CDH18: variants seen among roughly 807,000 people sequenced by gnomAD.
CDH18 encodes the protein cadherin 18, also known as cadherin-18.
CDH18 carries 31 observed loss-of-function variants against 67.9 expected under a neutral mutation model. The ratio of observed to expected loss-of-function variants is 0.46; its 90% CI spans 0.34 to 0.62. The LOEUF (loss-of-function observed/expected upper bound fraction) is 0.62. CDH18 is among the 20% of genes least tolerant of loss of function. The pLI, the probability that CDH18 is intolerant of heterozygous loss-of-function variation, is 0.01. For missense variants in CDH18, 890 were observed against 975.5 expected, an observed-to-expected ratio of 0.91 and a Z score of 1.17; for synonymous variants, 362 against 347.2, an observed-to-expected ratio of 1.04 and a Z score of -0.48.
chr5:19,624,512 AT>A (rs1408060454), intron 5 of CDH18, among the ~76,000 whole-genome samples: 1 of 152,198 alleles, frequency 6.6e-6, no homozygotes, highest in Non-Finnish European at 1.5e-5. Context: ...TTTCAGAGAT[AT>A]GTATATGCTT....
rs556271655 is a variant in CDH18, at chr5:19,685,107, AC to A, written c.643+36239del. ...TTGCACTTTAACCTACTTCTGTGGAACCAAAGAGAAATCAAGGCCCTCTCAG... is the reference window on the plus strand; with the variant it reads ...TTGCACTTTAACCTACTTCTGTGGAACAAAGAGAAATCAAGGCCCTCTCAG... On this transcript the variant is annotated intron_variant, in intron 5 of 12. Transcript: ENST00000382275. Among the ~76,000 whole-genome samples the A allele has an allele frequency of 6.6e-5, 10 of 152,300 alleles. No homozygotes were observed. The East Asian group carries it at 1.7e-3, about 27-fold the overall frequency.
intron 5 of CDH18, among the ~76,000 whole-genome samples, chr5:19,698,927 A>G (rs2150463771): frequency 6.6e-6 from 1 of 152,240 alleles, no homozygotes; most frequent in Non-Finnish European, 1.5e-5. Context: ...AGTATTTCTT[A>G]GGATGTTTGT....
intron 3 of CDH18, among the ~76,000 whole-genome samples, chr5:19,837,934 C>A (rs78409003): frequency 0.016 from 2,506 of 152,206 alleles, 69 homozygotes; most frequent in African/African-American, 0.057. Context: ...CAGAAGAAGG[C>A]CTCTCCAATT....
chr5:20,348,658 G>A (rs1373229033), intron 1 of CDH18, among the ~76,000 whole-genome samples: 3 of 152,128 alleles, frequency 2.0e-5, no homozygotes, highest in Non-Finnish European at 4.4e-5. Flanking sequence ...AATCCACAAT[G>A]GAATACAAGA....
chr5:19,633,345 A>G (rs1447315527), intron 5 of CDH18, among the ~76,000 whole-genome samples: 1 of 152,196 alleles, frequency 6.6e-6, no homozygotes, highest in Non-Finnish European at 1.5e-5. Context: ...ACTTCATTTA[A>G]TGAAGTCATT....
At chr5:19,553,800 T>A (rs1737894989) in intron 8 of CDH18, among the ~76,000 whole-genome samples, 1 of 151,880 alleles carries the variant, frequency 6.6e-6, no homozygotes, top group South Asian at 2.1e-4. Context: ...GCCACCCTAA[T>A]TTTTGTATTT....
intron 1 of CDH18, among the ~76,000 whole-genome samples, chr5:20,317,419 T>C (rs1157459673): frequency 6.6e-6 from 1 of 152,272 alleles, no homozygotes; most frequent in South Asian, 2.1e-4. Flanking sequence ...TAAAAAGACA[T>C]GTTATTATTT....
chr5:20,138,917 C>T (rs6898993), intron 2 of CDH18, among the ~76,000 whole-genome samples: 129,479 of 152,078 alleles, frequency 0.85, 56,455 homozygotes, highest in Non-Finnish European at 0.94. Context: ...TCAATGCCAT[C>T]CTCATCAAGC....
intron 1 of CDH18, among the ~76,000 whole-genome samples, chr5:20,329,203 A>G (rs1487050920): frequency 6.6e-6 from 1 of 152,196 alleles, no homozygotes; most frequent in East Asian, 1.9e-4. Flanking sequence ...CCAGAGAGAC[A>G]GTAAGTGCAA....
intron 9 of CDH18, among the ~76,000 whole-genome samples, chr5:19,535,526 T>C (rs1749280348): frequency 6.6e-6 from 1 of 152,190 alleles, no homozygotes; most frequent in Non-Finnish European, 1.5e-5. Context: ...AATAACTTCA[T>C]ATTAAAGGGC....
At chr5:19,654,510 G>T (rs925393455) in intron 5 of CDH18, among the ~76,000 whole-genome samples, 2 of 152,150 alleles carry the variant, frequency 1.3e-5, no homozygotes, top group Non-Finnish European at 2.9e-5. Context: ...ACAGGAGAGG[G>T]AGCACGCAGA....
At chr5:19,728,400 C>T (rs766564635) in intron 4 of CDH18, among the ~76,000 whole-genome samples, 13 of 152,244 alleles carry the variant, frequency 8.5e-5, no homozygotes, top group South Asian at 4.1e-4. Flanking sequence ...GGATTAGTTT[C>T]TCTCAGCTGA....
chr5:19,605,266 T>C lies in CDH18; in HGVS notation c.811+7168A>G, dbSNP rs995396907. Reference sequence around the variant, plus strand: ...AGAATGTAATACTATTATTTATTTATAGCTGTTACTTTGTTAGAAAGAATA... The same window carrying C: ...AGAATGTAATACTATTATTTATTTACAGCTGTTACTTTGTTAGAAAGAATA... On this transcript the variant is annotated intron_variant, in intron 6 of 12. Transcript: ENST00000382275. 1.1e-4 allele frequency among the ~76,000 whole-genome samples: 16 copies of C among 151,996 alleles called. No individual in the cohort carries two copies. In the East Asian group the frequency reaches 2.3e-3, roughly 22 times the overall value.
chr5:20,242,611 A>ATATATACATGT lies in CDH18; in HGVS notation c.-518+12832_-518+12833insACATGTATATA, dbSNP rs1334205442. ...TTCATTGAGGGAAAAAAAAAAAAAAAATATATATATATATATATATATGTA... is the reference window on the plus strand; with the variant it reads ...TTCATTGAGGGAAAAAAAAAAAAAAATATATACATGTATATATATATATATATATATATGTA... On this transcript the variant is annotated intron_variant, in intron 2 of 14. Coordinates refer to the CDH18 transcript ENST00000507958. Among the ~76,000 whole-genome samples, 12 of 39,466 alleles carry ATATATACATGT rather than the reference A, an allele frequency of 3.0e-4. No individual in the cohort carries two copies. In the South Asian group the frequency reaches 3.5e-3, roughly 11 times the overall value. 25.9% of individuals were successfully genotyped at this position (39,466 alleles called of 152,430 possible).
rs184054033 is a variant in CDH18, at chr5:20,127,985, G to A, written c.-518+127459C>T. On this transcript the variant is annotated intron_variant, in intron 2 of 14. Coordinates refer to the CDH18 transcript ENST00000507958. ...GTTTGTGGATACATAGTCTTCTCCT[G>A]TGGATAAGGGATAGCCTTGCCTTCT... Among the ~76,000 whole-genome samples the A allele has an allele frequency of 2.9e-4, 44 of 152,200 alleles. 1 individual carries two copies. Among genetic ancestry groups the A allele is most frequent in the African/African-American group, 1.1e-3 (44 of 41,488 alleles).
At chr5:20,346,949 G>A (rs536952982) in intron 1 of CDH18, among the ~76,000 whole-genome samples, 1 of 152,188 alleles carries the variant, frequency 6.6e-6, no homozygotes, top group East Asian at 1.9e-4. Context: ...TTATCTCTTA[G>A]CAGAAAAATG....
intron 1 of CDH18, among the ~76,000 whole-genome samples, chr5:20,270,949 A>G (rs991821912): frequency 9.2e-5 from 14 of 152,012 alleles, no homozygotes; most frequent in Non-Finnish European, 1.8e-4. Flanking sequence ...CATGGGCCAC[A>G]TAGAGGGGAA....
chr5:19,795,387 G>A (rs1776758070), intron 3 of CDH18, among the ~76,000 whole-genome samples: 1 of 152,164 alleles, frequency 6.6e-6, no homozygotes, highest in Non-Finnish European at 1.5e-5. Context: ...CTGAAGTTCA[G>A]CAGTAATGGA....
chr5:19,562,521 C>T (rs1233767362), intron 8 of CDH18, among the ~76,000 whole-genome samples: 1 of 152,132 alleles, frequency 6.6e-6, no homozygotes, highest in East Asian at 1.9e-4. Context: ...ATTCACCTCA[C>T]CAAGGTCACA....
Sources: allele counts gnomAD v4.1 joint callset (sites outside exome capture counted in the v4.1 genomes callset), GRCh38; gene constraint gnomAD v4.1.1; transcripts MANE v1.5; gene names NCBI Gene and HGNC (gene_info 2026-07-23, HGNC 2026-07-21).